TACC1: variants seen among roughly 807,000 people sequenced by gnomAD.
TACC1 encodes transforming acidic coiled-coil-containing protein 1.
A neutral mutation model predicts 84.4 loss-of-function variants in TACC1; 48 were observed. That is an observed-to-expected ratio of 0.57 (90% confidence interval 0.45 to 0.72). The LOEUF (loss-of-function observed/expected upper bound fraction) is 0.72. TACC1 is among the 30% of genes least tolerant of loss of function. The pLI is 0.00. For synonymous variants in TACC1, 372 were observed against 376.3 expected, an observed-to-expected ratio of 0.99 and a Z score of 0.13; for missense variants, 920 against 973.0, an observed-to-expected ratio of 0.95 and a Z score of 0.72.
At chr8:38,747,393 A>C (rs1203872581) in intron 3 of TACC1, among the ~76,000 whole-genome samples, 1 of 152,180 alleles carries the variant, frequency 6.6e-6, no homozygotes, top group African/African-American at 2.4e-5. Context: ...TCCACACAAA[A>C]CCCTGCACAT....
At chr8:38,738,977 G>A (rs1196399293) in intron 1 of TACC1, among the ~76,000 whole-genome samples, 7 of 152,136 alleles carry the variant, frequency 4.6e-5, no homozygotes, top group Middle Eastern at 6.8e-3. Context: ...TGCAACCTCC[G>A]CCTCCCAGGT....
At chr8:38,836,340 A>T (rs541084029) in intron 7 of TACC1, 53 bp downstream of exon 7, 4 of 1,583,084 alleles carry the variant, frequency 2.5e-6, no homozygotes, top group African/African-American at 1.3e-5. Flanking sequence ...TGTAAGGCCC[A>T]TGTACCAGCA....
intron 2 of TACC1, chr8:38,799,978 AC>A (rs1187588055): frequency 6.6e-6 from 1 of 152,190 alleles, no homozygotes; most frequent in East Asian, 1.9e-4. Flanking sequence ...ACAAAATGAG[AC>A]CCCGACTCTA....
intron 3 of TACC1, among the ~76,000 whole-genome samples, chr8:38,756,549 GTGTT>G (rs575044572): frequency 6.6e-5 from 10 of 152,196 alleles, no homozygotes; most frequent in South Asian, 2.1e-4. Context: ...ATAGGGATAG[GTGTT>G]TGTTTGTTTG....
chr8:38,842,941 T>C (rs1376827209), intron 10 of TACC1, among the ~76,000 whole-genome samples: 2 of 152,232 alleles, frequency 1.3e-5, no homozygotes, highest in Non-Finnish European at 2.9e-5. Flanking sequence ...GACACAATTA[T>C]AGCAATGAAA....
At chr8:38,765,022 C>T (rs893292797) in intron 3 of TACC1, among the ~76,000 whole-genome samples, 6 of 151,672 alleles carry the variant, frequency 4.0e-5, no homozygotes, top group South Asian at 4.2e-4. Context: ...TCGCTTGAAC[C>T]GGGGGGATGG....
upstream of TACC1, among the ~76,000 whole-genome samples, chr8:38,785,248 A>G (rs898504717): frequency 5.3e-5 from 8 of 152,108 alleles, no homozygotes; most frequent in African/African-American, 1.9e-4. Flanking sequence ...CTGTTTCCCA[A>G]ATTTACCCTG....
intron 3 of TACC1, among the ~76,000 whole-genome samples, chr8:38,768,561 C>A (rs62505805): frequency 1.3e-5 from 2 of 151,982 alleles, no homozygotes; most frequent in African/African-American, 4.8e-5. Context: ...CTCCTCCATC[C>A]TTGATAATTG....
chr8:38,850,910 G>A lies in TACC1; in HGVS notation c.*2887G>A, dbSNP rs1431015909. The A allele has an allele frequency of 6.6e-6, 1 of 152,076 alleles. No homozygotes were observed. Among genetic ancestry groups the A allele is most frequent in the African/African-American group, 2.4e-5 (1 of 41,268 alleles). The allele number at this position is 152,076 out of a possible 1,614,324, so 9.4% of individuals were successfully genotyped here. ...ATCCAGAGCAATTTCTTTAGCTTTT[G>A]ACTTTGCCAAAGTGTAGATAGCCTT... On this transcript the variant is annotated 3_prime_UTR_variant, in exon 13 of 13. Transcript: ENST00000317827.
chr8:38,763,075 A>G (rs143466245), intron 3 of TACC1, among the ~76,000 whole-genome samples: 101 of 152,236 alleles, frequency 6.6e-4, no homozygotes, highest in African/African-American at 2.4e-3. Flanking sequence ...TCACATTCTA[A>G]CACTTGTTAT....
At chr8:38,808,660 C>G (rs763466863) in intron 2 of TACC1, among the ~76,000 whole-genome samples, 42 of 152,344 alleles carry the variant, frequency 2.8e-4, no homozygotes, top group Middle Eastern at 3.4e-3. Flanking sequence ...AGGAACACCC[C>G]CTACTTTGGC....
At chr8:38,806,084 T>G (rs1174809463) in intron 2 of TACC1, among the ~76,000 whole-genome samples, 3 of 152,184 alleles carry the variant, frequency 2.0e-5, no homozygotes, top group Non-Finnish European at 4.4e-5. Flanking sequence ...CCTCCACTAA[T>G]GAGGACAGAG....
At chr8:38,788,888 G>A (rs764356438) in intron 2 of TACC1, 69 bp downstream of exon 2, 55 of 1,243,232 alleles carry the variant, frequency 4.4e-5, no homozygotes, top group Admixed American at 9.6e-5. Flanking sequence ...AATGAAGGAA[G>A]GAAAAAAGTG....
At chr8:38,742,431 T>C in exon 2 of TACC1, 2 of 1,530,416 alleles carry the variant, frequency 1.3e-6, no homozygotes, top group Non-Finnish European at 8.7e-7. Context: ...TGAGATCAAA[T>C]GCAAAGACAA....
At chr8:38,755,429 G>A (rs975153179) in intron 3 of TACC1, among the ~76,000 whole-genome samples, 11 of 152,084 alleles carry the variant, frequency 7.2e-5, no homozygotes, top group Non-Finnish European at 1.3e-4. Flanking sequence ...CCAGCTGGGT[G>A]TGGTGGCTTA....
At chr8:38,821,611 C>G (rs563354082) in intron 3 of TACC1, among the ~76,000 whole-genome samples, 1 of 152,218 alleles carries the variant, frequency 6.6e-6, no homozygotes, top group East Asian at 1.9e-4. Context: ...AATCCCCCAT[C>G]TCTCCTGGGA....
At chr8:38,787,039 G>A (rs1454682128), upstream of TACC1, among the ~76,000 whole-genome samples, 2 of 151,686 alleles carry the variant, frequency 1.3e-5, no homozygotes, top group African/African-American at 4.8e-5. Context: ...CCGCGCAGCC[G>A]GCAAGCCCCG....
chr8:38,847,892 A>C (rs1171711061), intron 12 of TACC1, 63 bp from the exon 13 acceptor site: 1 of 1,411,408 alleles, frequency 7.1e-7, no homozygotes, highest in Non-Finnish European at 1.0e-6. Flanking sequence ...GGACTAGTTA[A>C]CTCTATTTGC....
At chr8:38,770,592 A>T (rs766993787) in intron 3 of TACC1, among the ~76,000 whole-genome samples, 5 of 152,208 alleles carry the variant, frequency 3.3e-5, no homozygotes, top group African/African-American at 4.8e-5. Context: ...TGTCACGCTC[A>T]GAGAGGAGCA....
Sources: gnomAD v4.1 joint callset for allele counts (sites outside exome capture counted in the v4.1 genomes callset) on GRCh38, gnomAD v4.1.1 for gene constraint, MANE v1.5 for transcripts, NCBI Gene and HGNC (gene_info 2026-07-23, HGNC 2026-07-21) for gene names.